MYRIP: variants seen among roughly 807,000 people sequenced by gnomAD.
MYRIP encodes rab effector MyRIP.
A neutral mutation model predicts 98.0 loss-of-function variants in MYRIP; 49 were observed. The observed-to-expected ratio is 0.50, with a 90% CI of 0.40 to 0.63. MYRIP has a LOEUF of 0.63. MYRIP is among the 30% of genes least tolerant of loss of function. MYRIP has a pLI of 0.00. For synonymous variants in MYRIP, 404 were observed against 409.5 expected, an observed-to-expected ratio of 0.99 and a Z score of 0.16; for missense variants, 1,004 against 1,058.2, an observed-to-expected ratio of 0.95 and a Z score of 0.71.
At chr3:40,012,415 C>T (rs1250430141) in intron 2 of MYRIP, among the ~76,000 whole-genome samples, 1 of 152,188 alleles carries the variant, frequency 6.6e-6, no homozygotes, top group Non-Finnish European at 1.5e-5. Context: ...CCCTGGAATA[C>T]TGAAGTCCAT....
In MYRIP at chr3:39,896,922, C is replaced by T. The variant is rs563091379; in HGVS notation, c.-30-3865C>T. Among the ~76,000 whole-genome samples the T allele has an allele frequency of 7.2e-5, 11 of 152,116 alleles. No individual in the cohort carries two copies. The South Asian group carries it at 2.3e-3, about 32-fold the overall frequency. On this transcript the variant is annotated intron_variant, in intron 1 of 16. Transcript: ENST00000302541. ...ACCTGTAGACACATCTGTGTCCTTC[C>T]TCATGTTAGTTATTTTAGCCAGGAA...
chr3:39,878,140 C>A (rs539475462), intron 1 of MYRIP, among the ~76,000 whole-genome samples: 1 of 152,340 alleles, frequency 6.6e-6, no homozygotes, highest in Admixed American at 6.5e-5. Flanking sequence ...GGCGTAGGAC[C>A]CTCCGAGCCA....
Position 40,190,158 on chromosome 3 carries a change from G to C in MYRIP, c.1360G>C (p.Asp454His). 6.2e-7 allele frequency: 1 copy of C among 1,614,144 alleles called. No individual in the cohort carries two copies. The highest frequency in any genetic ancestry group is 8.5e-7 in the Non-Finnish European group (1 of 1,180,014). Residue 454 changes from aspartate (D) to histidine (H), a missense_variant, in exon 10 of 17, where the codon GAC becomes CAC. Transcript: ENST00000302541. ...CCCCAACCCTGAGGCCATGTGCTCT[G>C]ACTCGGAGACCTCCTCCGCAGGCTC... ...LSPNPEAMCS[D>H]SETSSAGSSR...
At chr3:39,924,429 G>A (rs1030596196) in intron 2 of MYRIP, among the ~76,000 whole-genome samples, 3 of 152,064 alleles carry the variant, frequency 2.0e-5, no homozygotes, top group Non-Finnish European at 4.4e-5. Flanking sequence ...AACGAAGAAG[G>A]CATAGTGATT....
intron 3 of MYRIP, among the ~76,000 whole-genome samples, chr3:40,134,013 G>A (rs1023738351): frequency 9.2e-5 from 14 of 152,200 alleles, no homozygotes; most frequent in African/African-American, 2.9e-4. Context: ...TCATCTCACT[G>A]GGGAGTGCCG....
intron 13 of MYRIP, among the ~76,000 whole-genome samples, chr3:40,249,050 C>A (rs182921562): frequency 6.6e-6 from 1 of 152,324 alleles, no homozygotes; most frequent in Admixed American, 6.5e-5. Context: ...CTGTGTACCT[C>A]CTATAGCTCC....
intron 10 of MYRIP, among the ~76,000 whole-genome samples, chr3:40,203,947 A>C (rs1575627549): frequency 1.1e-4 from 1 of 9,456 alleles, no homozygotes; most frequent in Non-Finnish European, 1.8e-4. Flanking sequence ...TATATTATAT[A>C]TATTATATAT....
intron 11 of MYRIP, among the ~76,000 whole-genome samples, chr3:40,222,215 T>A (rs563578552): frequency 2.0e-5 from 3 of 152,316 alleles, no homozygotes; most frequent in Admixed American, 2.0e-4. Flanking sequence ...CATATTTACA[T>A]AAATATAGTA....
rs181493067 is a variant in MYRIP at position 40,211,562 on chromosome 3, C to T, written c.1905+1469C>T. Among the ~76,000 whole-genome samples, 459 of 152,320 alleles carry T rather than the reference C, an allele frequency of 3.0e-3. 2 individuals carry two copies. Among genetic ancestry groups the T allele is most frequent in the African/African-American group, 0.01 (429 of 41,576 alleles). ...CCCCTCACTGGGATATGGACTCCAA[C>T]CTATTGCAAATGGTAAGGGCTCTGA... On this transcript the variant is annotated intron_variant, in intron 11 of 16. Transcript: ENST00000302541.
At chr3:40,089,109 T>C (rs1353769134) in intron 3 of MYRIP, among the ~76,000 whole-genome samples, 1 of 151,954 alleles carries the variant, frequency 6.6e-6, no homozygotes, top group African/African-American at 2.4e-5. Context: ...GGATGATGCA[T>C]GGATGTGAGG....
chr3:39,829,572 T>G (rs928656443), intron 1 of MYRIP, among the ~76,000 whole-genome samples: 2 of 152,176 alleles, frequency 1.3e-5, no homozygotes, highest in African/African-American at 4.8e-5. Flanking sequence ...CTGCTGGAAG[T>G]GGGCTTGCTG....
At chr3:39,886,205 G>C (rs1461997868) in intron 1 of MYRIP, among the ~76,000 whole-genome samples, 2 of 151,624 alleles carry the variant, frequency 1.3e-5, no homozygotes, top group African/African-American at 4.9e-5. Flanking sequence ...ACATGGAAAG[G>C]AACAACCGGT....
At chr3:40,177,955 T>C (rs2255401) in intron 8 of MYRIP, among the ~76,000 whole-genome samples, 99,217 of 151,950 alleles carry the variant, frequency 0.65, 35,025 homozygotes, top group Non-Finnish European at 0.8. Context: ...TGAATGGCCA[T>C]AGTATAGAAT....
intron 2 of MYRIP, among the ~76,000 whole-genome samples, chr3:39,952,697 TGAG>T (rs1258599218): frequency 2.0e-5 from 3 of 152,202 alleles, no homozygotes; most frequent in Non-Finnish European, 4.4e-5. Flanking sequence ...GTTTCCTCAA[TGAG>T]GTTGTGAAGG....
chr3:39,878,224 C>A (rs1334538374), intron 1 of MYRIP, among the ~76,000 whole-genome samples: 1 of 152,170 alleles, frequency 6.6e-6, no homozygotes, highest in Non-Finnish European at 1.5e-5. Flanking sequence ...GTGGGAGTGA[C>A]CCGATTTTCC....
chr3:40,257,215 T>C (rs1254955910), intron 16 of MYRIP, among the ~76,000 whole-genome samples: 2 of 152,084 alleles, frequency 1.3e-5, no homozygotes, highest in Non-Finnish European at 2.9e-5. Flanking sequence ...TCCCAGCTAC[T>C]GGAGAGGCTA....
intron 3 of MYRIP, among the ~76,000 whole-genome samples, chr3:40,069,978 A>T (rs1948192217): frequency 6.6e-6 from 1 of 152,220 alleles, no homozygotes; most frequent in Admixed American, 6.5e-5. Flanking sequence ...TATCTTTCCA[A>T]GAGACCTTTA....
chr3:40,192,251 G>A (rs1425597930), intron 10 of MYRIP, among the ~76,000 whole-genome samples: 1 of 121,342 alleles, frequency 8.2e-6, no homozygotes, highest in African/African-American at 3.3e-5. Flanking sequence ...CACTGCAACA[G>A]GCCCTCACCT....
intron 1 of MYRIP, among the ~76,000 whole-genome samples, chr3:39,859,925 C>T (rs1021945257): frequency 1.3e-5 from 2 of 152,074 alleles, no homozygotes; most frequent in East Asian, 1.9e-4. Flanking sequence ...AGTGAAAAGC[C>T]GAAAGCTTTT....
Sources: gnomAD v4.1 joint callset for allele counts (sites outside exome capture counted in the v4.1 genomes callset) on GRCh38, gnomAD v4.1.1 for gene constraint, MANE v1.5 for transcripts, NCBI Gene and HGNC (gene_info 2026-07-23, HGNC 2026-07-21) for gene names.